Variants in FRAS1 observed in about 807,000 individuals in gnomAD.
The protein encoded by FRAS1 is extracellular matrix organizing protein FRAS1.
Under a neutral mutation model 435.2 loss-of-function variants are expected in FRAS1, and 290 were observed. That is an observed-to-expected ratio of 0.67 (90% CI 0.61 to 0.73). The LOEUF is 0.73. Among genes scored for constraint, FRAS1 ranks in the 30% least tolerant of loss-of-function variants. The pLI, the probability that FRAS1 is intolerant of heterozygous loss-of-function variation, is 0.00. For missense variants in FRAS1, 4,860 were observed against 5,001.5 expected (o/e 0.97, Z 0.85); for synonymous variants, 1,800 against 1,851.0 (o/e 0.97, Z 0.71).
intron 2 of FRAS1, among the ~76,000 whole-genome samples, chr4:78,097,962 G>A (rs1156349733): frequency 6.6e-6 from 1 of 152,188 alleles, no homozygotes; most frequent in Admixed American, 6.5e-5. Context: ...AAAGAAAGAG[G>A]TCCTCAGAAG....
intron 2 of FRAS1, among the ~76,000 whole-genome samples, chr4:78,223,092 G>T (rs937914569): frequency 1.3e-5 from 2 of 152,220 alleles, no homozygotes; most frequent in African/African-American, 2.4e-5. Context: ...TGTTGTTAGA[G>T]AATACAACCG....
chr4:78,537,460 G>A (rs1034799109), intron 72 of FRAS1, among the ~76,000 whole-genome samples: 1 of 152,224 alleles, frequency 6.6e-6, no homozygotes, highest in East Asian at 1.9e-4. Flanking sequence ...CAGAGACCTG[G>A]AGTGTCCCCA....
chr4:78,345,526 C>T (rs1172576654), intron 20 of FRAS1, among the ~76,000 whole-genome samples: 1 of 145,620 alleles, frequency 6.9e-6, no homozygotes, highest in Non-Finnish European at 1.5e-5. Flanking sequence ...TCTTCTATCT[C>T]TGTATTTTTT....
At chr4:78,273,782 T>C (rs569976361) in intron 9 of FRAS1, among the ~76,000 whole-genome samples, 5 of 152,306 alleles carry the variant, frequency 3.3e-5, no homozygotes, top group Admixed American at 2.0e-4. Context: ...TCTCTTTTTT[T>C]GTAGTGTCTC....
chr4:78,158,734 G>GT (rs948143376), intron 2 of FRAS1, among the ~76,000 whole-genome samples: 1 of 152,098 alleles, frequency 6.6e-6, no homozygotes, highest in Non-Finnish European at 1.5e-5. Flanking sequence ...TTTGATTTCA[G>GT]TTTTTTTGTA....
At chr4:78,291,562 C>T (rs1316887435) in intron 14 of FRAS1, among the ~76,000 whole-genome samples, 3 of 152,096 alleles carry the variant, frequency 2.0e-5, no homozygotes, top group Non-Finnish European at 4.4e-5. Flanking sequence ...CTAGAAAGCC[C>T]TTCATATAAG....
At chr4:78,409,555 A>G (rs1170110754) in intron 31 of FRAS1, among the ~76,000 whole-genome samples, 1 of 152,246 alleles carries the variant, frequency 6.6e-6, no homozygotes, top group East Asian at 1.9e-4. Context: ...AATGCTAGAA[A>G]TGATGAACAA....
intron 2 of FRAS1, among the ~76,000 whole-genome samples, chr4:78,169,367 T>C (rs1054414028): frequency 2.0e-5 from 3 of 152,208 alleles, no homozygotes; most frequent in Admixed American, 2.0e-4. Flanking sequence ...GCGCAGGGGA[T>C]GGCATTGTTA....
intron 72 of FRAS1, 134 bp downstream of exon 72, chr4:78,537,334 T>A (rs114498301): frequency 2.0e-5 from 17 of 855,956 alleles, no homozygotes; most frequent in Non-Finnish European, 2.8e-5. Context: ...TTGTTGTTTC[T>A]TTCAGATCAG....
At chr4:78,065,087 T>TATATATACACACATAC (rs1326285109) in intron 1 of FRAS1, among the ~76,000 whole-genome samples, 1 of 141,344 alleles carries the variant, frequency 7.1e-6, no homozygotes, top group African/African-American at 2.6e-5. Context: ...TATATATACA[T>TATATATACACACATAC]ACACACACAC....
intron 73 of FRAS1, 93 bp downstream of exon 73, chr4:78,539,533 G>T: frequency 8.7e-7 from 1 of 1,153,818 alleles, no homozygotes; most frequent in South Asian, 1.5e-5. Context: ...AACATCTCTG[G>T]ATTCTTCAAC....
Position 78,516,802 on chromosome 4 carries a change from A to G in FRAS1, c.10389+789A>G, listed in dbSNP as rs891408477. 2.0e-5 allele frequency among the ~76,000 whole-genome samples: 3 copies of G among 152,194 alleles called. No individual in the cohort carries two copies. The South Asian group carries it at 6.2e-4, about 31-fold the overall frequency. ...AACTCACTATCACAAGAACAGCATG[A>G]GGGAAACCACCCCCATGATCCAATC... On this transcript the variant is annotated intron_variant, in intron 66 of 73. Transcript: ENST00000512123.
At chr4:78,423,198 ACT>A (rs1165172803) in intron 34 of FRAS1, among the ~76,000 whole-genome samples, 1 of 149,466 alleles carries the variant, frequency 6.7e-6, no homozygotes, top group Non-Finnish European at 1.5e-5. Context: ...ATGGAGTCTC[ACT>A]CTGTCACCCA....
intron 2 of FRAS1, among the ~76,000 whole-genome samples, chr4:78,127,665 A>G (rs1719441078): frequency 6.6e-6 from 1 of 152,190 alleles, no homozygotes; most frequent in African/African-American, 2.4e-5. Flanking sequence ...ACAAACAACA[A>G]CAACAACAAC....
At chr4:78,515,056 A>C (rs879598635) in intron 65 of FRAS1, among the ~76,000 whole-genome samples, 2 of 112,374 alleles carry the variant, frequency 1.8e-5, no homozygotes, top group Non-Finnish European at 3.6e-5. Context: ...TGACAGAGTA[A>C]GACTCCATCT....
chr4:78,129,075 C>T (rs1354341369), intron 2 of FRAS1, among the ~76,000 whole-genome samples: 1 of 152,090 alleles, frequency 6.6e-6, no homozygotes, highest in Non-Finnish European at 1.5e-5. Context: ...AGATATGCGG[C>T]ATTATTTCTG....
intron 61 of FRAS1, among the ~76,000 whole-genome samples, chr4:78,503,519 C>T (rs1720742037): frequency 6.6e-6 from 1 of 152,292 alleles, no homozygotes; most frequent in Non-Finnish European, 1.5e-5. Context: ...TTATAGTATT[C>T]TCTGATGGTA....
intron 66 of FRAS1, among the ~76,000 whole-genome samples, chr4:78,518,442 A>ATTTATT (rs1195961402): frequency 9.1e-4 from 61 of 66,876 alleles, no homozygotes; most frequent in African/African-American, 2.8e-3. Flanking sequence ...ATATATATAT[A>ATTTATT]TATATATATA....
rs760074812 is a variant in FRAS1, at chr4:78,515,772, C to A, written c.10175-27C>A. ...CCTTGGCATCCACAAACCAAGTTAT[C>A]GTTCCTTGTTCTTCCCTCCCTGGCA... On this transcript the variant is annotated intron_variant, in intron 65 of 73. Coordinates refer to ENST00000512123, the MANE Select transcript of FRAS1 (RefSeq NM_025074.7). 3.1e-6 allele frequency: 5 copies of A among 1,606,252 alleles called. No homozygotes were observed. The African/African-American group carries it at 5.4e-5, about 17-fold the overall frequency.
Sources: allele counts gnomAD v4.1 joint callset (sites outside exome capture counted in the v4.1 genomes callset), GRCh38; gene constraint gnomAD v4.1.1; transcripts MANE v1.5; gene names NCBI Gene and HGNC (gene_info 2026-07-23, HGNC 2026-07-21).